Variants in AGAP1 observed in about 807,000 individuals in gnomAD.
AGAP1 encodes arf-GAP with GTPase, ANK repeat and PH domain-containing protein 1.
Under a neutral mutation model 105.3 loss-of-function variants are expected in AGAP1, and 29 were observed. That is an observed-to-expected ratio of 0.28 (90% CI 0.21 to 0.38). The LOEUF is 0.38. AGAP1 is among the 10% of genes least tolerant of loss of function. AGAP1 has a pLI of 1.00. For synonymous variants in AGAP1, 509 were observed against 485.9 expected (o/e 1.05, Z -0.63); for missense variants, 998 against 1,165.1 (o/e 0.86, Z 2.09).
rs529835065 is a variant in AGAP1, at chr2:235,610,273, C to T, written c.164-98906C>T. On this transcript the variant is annotated intron_variant, in intron 1 of 17. Transcript: ENST00000304032. This position sits in a 1 kb window ranked among gnomAD's most constrained non-coding sequence, Gnocchi z 4.9. ...TTGGCCAGACAGGATCTGCTGTATC[C>T]TTATGATACCTCGTCATCTTGGAGT... 1.3e-5 allele frequency among the ~76,000 whole-genome samples: 2 copies of T among 152,284 alleles called. No homozygotes were observed. The highest frequency in any genetic ancestry group is 4.8e-5 in the African/African-American group (2 of 41,574).
chr2:235,910,158 G>C (rs1223955185), intron 11 of AGAP1, among the ~76,000 whole-genome samples: 1 of 9,180 alleles, frequency 1.1e-4, no homozygotes, highest in Non-Finnish European at 1.7e-4. Context: ...TGGTAGGTGA[G>C]AGCAAGATGG....
intron 9 of AGAP1, among the ~76,000 whole-genome samples, chr2:235,861,882 G>T (rs1003892350): frequency 2.0e-5 from 3 of 152,194 alleles, no homozygotes; most frequent in Non-Finnish European, 2.9e-5. Flanking sequence ...CTGTAGAAAA[G>T]ATCTCTCTGA....
At chr2:235,790,228 G>T (rs764461355) in intron 6 of AGAP1, among the ~76,000 whole-genome samples, 1 of 152,300 alleles carries the variant, frequency 6.6e-6, no homozygotes, top group South Asian at 2.1e-4. Flanking sequence ...AGCTAAAACT[G>T]TATCACTGAG....
At position 235,529,504 on chromosome 2, in the gene AGAP1, G is replaced by A. The variant is rs141011960; in HGVS notation, c.163+34655G>A. Among the ~76,000 whole-genome samples, 24 of 152,236 alleles carry A rather than the reference G, an allele frequency of 1.6e-4. No homozygotes were observed. In the East Asian group the frequency reaches 3.7e-3, roughly 23 times the overall value. On this transcript the variant is annotated intron_variant, in intron 1 of 17. Transcript: ENST00000304032. ...GAGGTGCAGATCTCTCAAGCAGGTG[G>A]GGTGTCTGTGGGACAGGGGACAGCT...
At chr2:235,818,286 G>C (rs1958577697) in intron 9 of AGAP1, among the ~76,000 whole-genome samples, 1 of 152,200 alleles carries the variant, frequency 6.6e-6, no homozygotes, top group African/African-American at 2.4e-5. Context: ...TGAGGTTCAG[G>C]GATGTTAAGG....
At position 235,620,358 on chromosome 2, in the gene AGAP1, C is replaced by A. The variant is rs1420419377; in HGVS notation, c.164-88821C>A. Among the ~76,000 whole-genome samples the A allele has an allele frequency of 2.0e-5, 3 of 152,174 alleles. No homozygotes were observed. Among genetic ancestry groups the A allele is most frequent in the African/African-American group, 7.2e-5 (3 of 41,454 alleles). On this transcript the variant is annotated intron_variant, in intron 1 of 17. Transcript: ENST00000304032. This position sits in a 1 kb window ranked among gnomAD's most constrained non-coding sequence, Gnocchi z 4.5. ...ACTTGCCCAGCAGCCAGGGGCATCC[C>A]TGAGAAGCCGGGTCAGAGTGTGATG...
chr2:235,687,531 G>C (rs942898985), intron 1 of AGAP1, among the ~76,000 whole-genome samples: 1 of 152,144 alleles, frequency 6.6e-6, no homozygotes, highest in Non-Finnish European at 1.5e-5. Flanking sequence ...TTCATTTTAG[G>C]TGAGTTTCCA....
At chr2:235,511,804 G>A (rs866288463) in intron 1 of AGAP1, among the ~76,000 whole-genome samples, 2 of 152,114 alleles carry the variant, frequency 1.3e-5, no homozygotes, top group East Asian at 1.9e-4. Flanking sequence ...TTCAGTGTGC[G>A]TATTTGTGTG....
rs1192197790 is a variant in AGAP1, at chr2:235,611,797, C to T, written c.164-97382C>T. Among the ~76,000 whole-genome samples, 1 of 152,100 alleles carries T rather than the reference C, an allele frequency of 6.6e-6. No individual in the cohort carries two copies. The highest frequency in any genetic ancestry group is 1.5e-5 in the Non-Finnish European group (1 of 68,018). On this transcript the variant is annotated intron_variant, in intron 1 of 17. Coordinates refer to ENST00000304032, the MANE Select transcript of AGAP1 (RefSeq NM_001037131.3). This position sits in a 1 kb window ranked among gnomAD's most constrained non-coding sequence, Gnocchi z 5.0. ...GATATTAATGATTTTCATTTCCTAC[C>T]TTTGTAGTTTTCATATAAATTAGAT...
intron 1 of AGAP1, among the ~76,000 whole-genome samples, chr2:235,579,426 G>A (rs1373647041): frequency 2.0e-5 from 3 of 152,110 alleles, no homozygotes; most frequent in Non-Finnish European, 4.4e-5. Context: ...CTCTTTTGTT[G>A]TTGTCGTTAA....
chr2:235,829,026 G>A (rs1959181637), intron 9 of AGAP1, among the ~76,000 whole-genome samples: 1 of 152,210 alleles, frequency 6.6e-6, no homozygotes, highest in African/African-American at 2.4e-5. Context: ...TAAGGCAGAT[G>A]TCTCTCTTTT....
intron 6 of AGAP1, among the ~76,000 whole-genome samples, chr2:235,768,182 A>G (rs1018101862): frequency 2.6e-5 from 4 of 151,842 alleles, no homozygotes; most frequent in African/African-American, 7.3e-5. Context: ...TCGTTTGTTT[A>G]TTGTTTTCAC....
Position 235,930,495 on chromosome 2 carries a change from C to T in AGAP1, c.1325-270C>T, listed in dbSNP as rs983396701. ...CGATGTTGCGGTTGCGGTTGGGTTG[C>T]GTCTTTGTATAGGGTTGTTCGGTGC... On this transcript the variant is annotated intron_variant, in intron 11 of 17. Coordinates refer to ENST00000304032, the MANE Select transcript of AGAP1 (RefSeq NM_001037131.3). The surrounding 1 kb of genome is among the most constrained non-coding windows in gnomAD (Gnocchi z 7.9). Among the ~76,000 whole-genome samples, 21 of 152,140 alleles carry T rather than the reference C, an allele frequency of 1.4e-4. No individual in the cohort carries two copies. Among genetic ancestry groups the T allele is most frequent in the African/African-American group, 4.8e-4 (20 of 41,412 alleles).
intron 1 of AGAP1, among the ~76,000 whole-genome samples, chr2:235,516,142 C>T (rs1942377095): frequency 6.6e-6 from 1 of 152,000 alleles, no homozygotes; most frequent in Non-Finnish European, 1.5e-5. Context: ...TCCTTCTGCT[C>T]CCCGACTTCA....
chr2:235,769,754 T>TGG lies in AGAP1; in HGVS notation c.673+19267_673+19268dup, dbSNP rs1955268267. 6.6e-6 allele frequency among the ~76,000 whole-genome samples: 1 copy of TGG among 152,094 alleles called. No homozygotes were observed. Among genetic ancestry groups the TGG allele is most frequent in the Non-Finnish European group, 1.5e-5 (1 of 68,026 alleles). ...GCATCTCCAGGTGCCGCCTCTCACC[T>TGG]GGTCCTGGATCATGGGGGAGGCACA... On this transcript the variant is annotated intron_variant, in intron 6 of 17. Transcript: ENST00000304032. This position sits in a 1 kb window ranked among gnomAD's most constrained non-coding sequence, Gnocchi z 4.4.
Position 235,992,176 on chromosome 2 carries a change from G to A in AGAP1, c.1645+23553G>A, listed in dbSNP as rs111714532. Among the ~76,000 whole-genome samples, 2 of 152,154 alleles carry A rather than the reference G, an allele frequency of 1.3e-5. No individual in the cohort carries two copies. The highest frequency in any genetic ancestry group is 1.9e-4 in the East Asian group (1 of 5,144). The stretch of plus-strand genomic sequence containing the variant: ...GCCTGTCTTCCTGGGTCCGAGTTGC[G>A]TGGTTAGGAGCGCAGCGGAGGAGCC... On this transcript the variant is annotated intron_variant, in intron 13 of 17. Transcript: ENST00000304032. This position sits in a 1 kb window ranked among gnomAD's most constrained non-coding sequence, Gnocchi z 4.8.
chr2:236,006,609 T>A (rs2056331045), intron 13 of AGAP1, among the ~76,000 whole-genome samples: 1 of 152,202 alleles, frequency 6.6e-6, no homozygotes, highest in Non-Finnish European at 1.5e-5. Flanking sequence ...ACTACCTCCA[T>A]GATGCAACTG....
At chr2:236,115,831 G>GTC (rs1179560849) in intron 16 of AGAP1, among the ~76,000 whole-genome samples, 3 of 113,952 alleles carry the variant, frequency 2.6e-5, no homozygotes, top group Non-Finnish European at 6.0e-5. Context: ...TTTAGACAGA[G>GTC]TCTCGCTCTG....
chr2:236,036,749 G>A lies in AGAP1; in HGVS notation c.1800+34G>A. 6.2e-7 allele frequency: 1 copy of A among 1,612,924 alleles called. No homozygotes were observed. The highest frequency in any genetic ancestry group is 8.5e-7 in the Non-Finnish European group (1 of 1,179,540). ...CCTGGCTGCCCAAAACCAAGGCTGGGGCTGCTCAGGGGGAGTGCGGGCCCC... is the reference window on the plus strand; with the variant it reads ...CCTGGCTGCCCAAAACCAAGGCTGGAGCTGCTCAGGGGGAGTGCGGGCCCC... On this transcript the variant is annotated intron_variant, in intron 14 of 17. Coordinates refer to ENST00000304032, the MANE Select transcript of AGAP1 (RefSeq NM_001037131.3). This position sits in a 1 kb window ranked among gnomAD's most constrained non-coding sequence, Gnocchi z 5.7.
Sources: gnomAD v4.1 joint callset for allele counts (sites outside exome capture counted in the v4.1 genomes callset) on GRCh38, gnomAD v4.1.1 for gene constraint, Gnocchi (gnomAD v3.1) non-coding constraint, MANE v1.5 for transcripts, NCBI Gene and HGNC (gene_info 2026-07-23, HGNC 2026-07-21) for gene names.